FAM228B: variants seen among roughly 807,000 people sequenced by gnomAD.
FAM228B encodes protein FAM228B.
Under a neutral mutation model 42.6 loss-of-function variants are expected in FAM228B, and 38 were observed. That is an observed-to-expected ratio of 0.89 (90% CI 0.69 to 1.17). The LOEUF (loss-of-function observed/expected upper bound fraction) is 1.17, where lower values mean the gene tolerates loss of function less well. Among genes scored for constraint, FAM228B ranks in the 50% most tolerant of loss-of-function variants. The pLI, the probability that FAM228B is intolerant of heterozygous loss-of-function variation, is 0.00. For missense variants in FAM228B, 344 were observed against 367.3 expected (o/e 0.94, Z 0.52); for synonymous variants, 109 against 122.3 (o/e 0.89, Z 0.72).
intron 2 of FAM228B, among the ~76,000 whole-genome samples, chr2:24,132,905 T>C (rs1438712194): frequency 1.3e-5 from 2 of 152,226 alleles, no homozygotes; most frequent in African/African-American, 2.4e-5. Context: ...TAAGCTGGGC[T>C]ACATGGAGTC....
chr2:24,160,169 T>C (rs900508773), intron 7 of FAM228B, among the ~76,000 whole-genome samples: 4 of 152,084 alleles, frequency 2.6e-5, no homozygotes, highest in Non-Finnish European at 4.4e-5. Context: ...TTTGTATTTT[T>C]AGTAGAGATG....
chr2:24,107,338 C>G (rs12473488), intron 3 of FAM228B, among the ~76,000 whole-genome samples: 2 of 152,124 alleles, frequency 1.3e-5, no homozygotes, highest in Admixed American at 1.3e-4. Flanking sequence ...TGGGAGACTT[C>G]AACACCCCAC....
At chr2:24,099,211 A>G (rs1665560297) in intron 3 of FAM228B, among the ~76,000 whole-genome samples, 1 of 152,218 alleles carries the variant, frequency 6.6e-6, no homozygotes, top group African/African-American at 2.4e-5. Flanking sequence ...ATTCCCTTTG[A>G]AAACTGGCAT....
intron 2 of FAM228B, among the ~76,000 whole-genome samples, chr2:24,083,613 TC>T (rs1665113366): frequency 1.3e-5 from 2 of 152,270 alleles, no homozygotes; most frequent in South Asian, 4.1e-4. Context: ...CCATCACGTT[TC>T]TTTTGTGCCC....
At chr2:24,117,784 T>C (rs759469723) in intron 3 of FAM228B, among the ~76,000 whole-genome samples, 6 of 152,200 alleles carry the variant, frequency 3.9e-5, no homozygotes, top group Non-Finnish European at 7.3e-5. Context: ...TGATCACGTA[T>C]AATTTTTTAG....
intron 7 of FAM228B, among the ~76,000 whole-genome samples, chr2:24,157,232 T>C (rs1477569553): frequency 6.6e-6 from 1 of 152,168 alleles, no homozygotes; most frequent in Non-Finnish European, 1.5e-5. Context: ...TGACACTTGT[T>C]TTGTGGCCTA....
At chr2:24,078,480 TAAAAAA>T (rs36089798) in intron 1 of FAM228B, among the ~76,000 whole-genome samples, 2 of 104,954 alleles carry the variant, frequency 1.9e-5, no homozygotes, top group Non-Finnish European at 1.9e-5. Flanking sequence ...CCTGTCTCCA[TAAAAAA>T]AAAAAAAAAA....
intron 3 of FAM228B, among the ~76,000 whole-genome samples, chr2:24,106,316 C>CTTTTTTTTTT: frequency 9.4e-6 from 1 of 106,390 alleles, no homozygotes; most frequent in Non-Finnish European, 1.8e-5. Flanking sequence ...ATTCAGCATT[C>CTTTTTTTTTT]TTTTTTTTTT....
chr2:24,167,160 G>C (rs989343475), intron 9 of FAM228B, among the ~76,000 whole-genome samples: 1 of 152,222 alleles, frequency 6.6e-6, no homozygotes, highest in Non-Finnish European at 1.5e-5. Context: ...AGGCAGGGCC[G>C]TCAAGGCAGT....
rs1020081688 is a variant in FAM228B, at chr2:24,080,438, A to G, written c.-289-438A>G. On this transcript the variant is annotated intron_variant, in intron 1 of 10. Transcript: ENST00000613899. The surrounding 1 kb of genome is among the most constrained non-coding windows in gnomAD (Gnocchi z 4.7). Reference sequence around the variant, plus strand: ...TTGGAATACAGAGGTGTGCACATCTACTTACTCATTTAGGGTGCTACCACC... The same window carrying G: ...TTGGAATACAGAGGTGTGCACATCTGCTTACTCATTTAGGGTGCTACCACC... Among the ~76,000 whole-genome samples, 2 of 151,960 alleles carry G rather than the reference A, an allele frequency of 1.3e-5. No homozygotes were observed. The highest frequency in any genetic ancestry group is 2.1e-4 in the South Asian group (1 of 4,818).
intron 7 of FAM228B, among the ~76,000 whole-genome samples, chr2:24,153,167 C>T (rs978236976): frequency 6.6e-6 from 1 of 152,182 alleles, no homozygotes; most frequent in Non-Finnish European, 1.5e-5. Context: ...ACCCAAAAAG[C>T]CTGCTTGTTG....
At chr2:24,146,704 C>T (rs758824203) in intron 5 of FAM228B, 44 bp from the exon 6 acceptor site, 2 of 1,370,732 alleles carry the variant, frequency 1.5e-6, no homozygotes, top group South Asian at 2.6e-5. Flanking sequence ...ATGTTTACTA[C>T]TCAGACTTGC....
intron 3 of FAM228B, chr2:24,096,811 C>T (rs1398534436): frequency 6.6e-6 from 1 of 152,108 alleles, no homozygotes; most frequent in African/African-American, 2.4e-5. Flanking sequence ...TTGAGAAGAG[C>T]AACCCCAAGA....
At position 24,169,470 on chromosome 2, in the gene FAM228B, C is replaced by T. The variant is rs762463549; in HGVS notation, c.*129C>T. On this transcript the variant is annotated 3_prime_UTR_variant, in exon 11 of 11. Transcript: ENST00000615575. The surrounding 1 kb of genome is among the most constrained non-coding windows in gnomAD (Gnocchi z 4.2). ...CAGGAATCAGGGTGAAGGCCAAGGACGGCACTCAAGAATTGTCCTGTCTCT... is the reference window on the plus strand; with the variant it reads ...CAGGAATCAGGGTGAAGGCCAAGGATGGCACTCAAGAATTGTCCTGTCTCT... 1.6e-5 allele frequency: 6 copies of T among 378,788 alleles called. No individual in the cohort carries two copies. The highest frequency in any genetic ancestry group is 7.6e-5 in the East Asian group (1 of 13,162). 23.5% of individuals were successfully genotyped at this position (378,788 alleles called of 1,614,324 possible). A position where few individuals can be genotyped will look rare whatever the true frequency, so the allele number is the denominator to read the frequency against.
At chr2:24,106,327 T>TTTC (rs1665698631) in intron 3 of FAM228B, among the ~76,000 whole-genome samples, 1 of 148,292 alleles carries the variant, frequency 6.7e-6, no homozygotes, top group Non-Finnish European at 1.5e-5. Context: ...TTTTTTTTTT[T>TTTC]TTTTTTTTTT....
At chr2:24,128,505 CTT>C (rs1048450255) in intron 2 of FAM228B, among the ~76,000 whole-genome samples, 22 of 152,180 alleles carry the variant, frequency 1.4e-4, no homozygotes, top group African/African-American at 5.1e-4. Flanking sequence ...ATTATAGTGT[CTT>C]TGTCATTTTG....
chr2:24,107,894 A>T (rs1203203424), intron 3 of FAM228B, among the ~76,000 whole-genome samples: 1 of 152,198 alleles, frequency 6.6e-6, no homozygotes, highest in African/African-American at 2.4e-5. Context: ...CCAACCCCAA[A>T]GCTATTGGAA....
upstream of FAM228B, among the ~76,000 whole-genome samples, chr2:24,120,034 C>A (rs564431479): frequency 6.6e-6 from 1 of 152,180 alleles, no homozygotes; most frequent in South Asian, 2.1e-4. Flanking sequence ...TTTGGGAGGC[C>A]AAGGCAGAAA....
intron 3 of FAM228B, among the ~76,000 whole-genome samples, chr2:24,101,757 A>G (rs1344361567): frequency 1.3e-5 from 2 of 152,124 alleles, no homozygotes; most frequent in Non-Finnish European, 2.9e-5. Context: ...ATCTCAGCTC[A>G]CTGCAAGCTC....
Sources: gnomAD v4.1 joint callset for allele counts (sites outside exome capture counted in the v4.1 genomes callset) on GRCh38, gnomAD v4.1.1 for gene constraint, Gnocchi (gnomAD v3.1) non-coding constraint, MANE v1.5 for transcripts, NCBI Gene and HGNC (gene_info 2026-07-23, HGNC 2026-07-21) for gene names.